The following CNBD1 variants were observed in gnomAD, a reference collection of about 807,000 sequenced individuals.
The protein encoded by CNBD1 is cyclic nucleotide-binding domain-containing protein 1.
In CNBD1, 71 loss-of-function variants were observed where a neutral mutation model predicts 54.4. The ratio of observed to expected loss-of-function variants is 1.30; its 90% CI spans 1.08 to 1.59. The LOEUF (loss-of-function observed/expected upper bound fraction) is 1.59. Ranked by LOEUF, CNBD1 falls within the 40% of genes most tolerant of loss-of-function variation. The probability of loss-of-function intolerance (pLI) is 0.00; values close to 1 mark genes in which losing one functional copy is unlikely to be tolerated. For missense variants in CNBD1, 659 were observed against 518.0 expected, an observed-to-expected ratio of 1.27 and a Z score of -2.64; for synonymous variants, 182 against 170.7, an observed-to-expected ratio of 1.07 and a Z score of -0.51.
intron 6 of CNBD1, among the ~76,000 whole-genome samples, chr8:87,253,182 T>G (rs1165807320): frequency 6.6e-6 from 1 of 152,170 alleles, no homozygotes; most frequent in Non-Finnish European, 1.5e-5. Context: ...TACTCACTTA[T>G]CAGGGCCACT....
At chr8:87,189,282 C>T (rs1045547459) in intron 4 of CNBD1, among the ~76,000 whole-genome samples, 1 of 152,086 alleles carries the variant, frequency 6.6e-6, no homozygotes, top group African/African-American at 2.4e-5. Context: ...TAAGGAAGTG[C>T]TCTTTGATGA....
At chr8:87,108,302 T>C (rs1420308160) in intron 4 of CNBD1, among the ~76,000 whole-genome samples, 1 of 152,206 alleles carries the variant, frequency 6.6e-6, no homozygotes, top group African/African-American at 2.4e-5. Flanking sequence ...ATATTATTTA[T>C]AATGTTATAA....
chr8:87,008,718 A>G (rs1809153842), intron 4 of CNBD1, among the ~76,000 whole-genome samples: 1 of 152,228 alleles, frequency 6.6e-6, no homozygotes, highest in African/African-American at 2.4e-5. Flanking sequence ...AGCAATTAAG[A>G]AAGAATGGTT....
chr8:87,255,832 G>T (rs1807996950), intron 6 of CNBD1, among the ~76,000 whole-genome samples: 1 of 148,936 alleles, frequency 6.7e-6, no homozygotes, highest in Non-Finnish European at 1.5e-5. Context: ...TACTTCATAG[G>T]GTAATTATGA....
intron 4 of CNBD1, among the ~76,000 whole-genome samples, chr8:87,152,496 A>G (rs1812626025): frequency 6.6e-6 from 1 of 151,946 alleles, no homozygotes; most frequent in Non-Finnish European, 1.5e-5. Flanking sequence ...AAGTTTACAA[A>G]TTTGTGTTGG....
chr8:87,169,486 C>T (rs986147972), intron 4 of CNBD1, among the ~76,000 whole-genome samples: 1 of 152,038 alleles, frequency 6.6e-6, no homozygotes, highest in Non-Finnish European at 1.5e-5. Flanking sequence ...TTCGCCCACC[C>T]TAACCTCCTC....
At chr8:87,400,403 A>AAAACTG (rs1369723158) in intron 2 of CNBD1, among the ~76,000 whole-genome samples, 5 of 152,046 alleles carry the variant, frequency 3.3e-5, no homozygotes, top group Non-Finnish European at 7.4e-5. Context: ...TCTTGGGTAG[A>AAAACTG]AAACTGAAAA....
At chr8:87,028,479 C>T (rs1295724833) in intron 4 of CNBD1, among the ~76,000 whole-genome samples, 1 of 152,184 alleles carries the variant, frequency 6.6e-6, no homozygotes, top group Non-Finnish European at 1.5e-5. Context: ...GCTCACTGCA[C>T]AGAAGGCCAA....
intron 4 of CNBD1, among the ~76,000 whole-genome samples, chr8:87,156,135 G>T (rs1812729160): frequency 6.6e-6 from 1 of 151,206 alleles, no homozygotes. Flanking sequence ...AATAAAAGAA[G>T]AACTGGTCAA....
At chr8:87,188,108 T>G (rs1813518230) in intron 4 of CNBD1, among the ~76,000 whole-genome samples, 1 of 152,286 alleles carries the variant, frequency 6.6e-6, no homozygotes, top group African/African-American at 2.4e-5. Context: ...AAGGAATTTT[T>G]TATTCCTGAA....
chr8:87,409,210 A>C (rs765914156), intron 2 of CNBD1, among the ~76,000 whole-genome samples: 6 of 152,184 alleles, frequency 3.9e-5, no homozygotes. Context: ...GTAAACATGC[A>C]AATAATAAGA....
chr8:87,398,524 A>G (rs1393806331), intron 2 of CNBD1, among the ~76,000 whole-genome samples: 1 of 151,842 alleles, frequency 6.6e-6, no homozygotes, highest in African/African-American at 2.4e-5. Flanking sequence ...ATCCCTCTCA[A>G]TTTTTCCAAA....
chr8:87,255,440 A>T (rs1807991820), intron 6 of CNBD1, among the ~76,000 whole-genome samples: 1 of 152,172 alleles, frequency 6.6e-6, no homozygotes, highest in Non-Finnish European at 1.5e-5. Context: ...AAATGATTAT[A>T]GTTTTTTGAG....
At chr8:87,308,243 C>T (rs919299579) in intron 8 of CNBD1, among the ~76,000 whole-genome samples, 1 of 152,040 alleles carries the variant, frequency 6.6e-6, no homozygotes, top group South Asian at 2.1e-4. Flanking sequence ...CAGACCTGCC[C>T]CTAGGAATTG....
intron 4 of CNBD1, among the ~76,000 whole-genome samples, chr8:87,088,862 C>T (rs1811151880): frequency 2.0e-5 from 3 of 152,092 alleles, no homozygotes; most frequent in Admixed American, 6.6e-5. Flanking sequence ...GAAAGAGAAT[C>T]TCTATCTTTA....
chr8:87,187,646 G>A (rs1813509576), intron 4 of CNBD1, among the ~76,000 whole-genome samples: 1 of 152,126 alleles, frequency 6.6e-6, no homozygotes, highest in South Asian at 2.1e-4. Flanking sequence ...TGACACCAGT[G>A]TTAACTCCTA....
chr8:87,379,669 A>G (rs1014387734), intron 10 of CNBD1, among the ~76,000 whole-genome samples: 1 of 152,028 alleles, frequency 6.6e-6, no homozygotes, highest in African/African-American at 2.4e-5. Flanking sequence ...TATTAAATTA[A>G]TGATGAAACA....
chr8:87,250,587 C>A (rs1405754013), intron 6 of CNBD1, among the ~76,000 whole-genome samples: 1 of 152,142 alleles, frequency 6.6e-6, no homozygotes, highest in Non-Finnish European at 1.5e-5. Context: ...GTCCATCAAC[C>A]ATTGAATGAA....
chr8:86,964,531 G>T (rs988089104), intron 4 of CNBD1, among the ~76,000 whole-genome samples: 3 of 152,234 alleles, frequency 2.0e-5, no homozygotes, highest in Non-Finnish European at 4.4e-5. Flanking sequence ...AGTTCTGGAA[G>T]GCCAATATAT....
Sources: gnomAD v4.1 joint callset for allele counts (sites outside exome capture counted in the v4.1 genomes callset) on GRCh38, gnomAD v4.1.1 for gene constraint, MANE v1.5 for transcripts, NCBI Gene and HGNC (gene_info 2026-07-23, HGNC 2026-07-21) for gene names.